The following LDB3 variants were observed in gnomAD, a reference collection of about 807,000 sequenced individuals.
LDB3 encodes the protein LIM domain-binding protein 3.
A neutral mutation model predicts 69.0 loss-of-function variants in LDB3; 49 were observed. The ratio of observed to expected loss-of-function variants is 0.71; its 90% CI spans 0.56 to 0.90. LDB3 has a LOEUF of 0.90. Ranked by LOEUF, LDB3 falls within the 40% of genes least tolerant of loss-of-function variation. LDB3 has a pLI of 0.00. For synonymous variants in LDB3, 387 were observed against 396.2 expected (o/e 0.98, Z 0.28); for missense variants, 928 against 974.1 (o/e 0.95, Z 0.63).
At chr10:86,681,857 G>T in intron 5 of LDB3, 54 bp downstream of exon 5, 1 of 1,517,702 alleles carries the variant, frequency 6.6e-7, no homozygotes, top group Non-Finnish European at 8.8e-7. Context: ...CTGGGTCCTC[G>T]GTGCTCGGCA....
intron 9 of LDB3, among the ~76,000 whole-genome samples, chr10:86,711,293 G>A (rs1039712979): frequency 6.6e-6 from 1 of 152,010 alleles, no homozygotes; most frequent in African/African-American, 2.4e-5. Flanking sequence ...GGGGCGCGCG[G>A]CCAGCCCGCC....
At chr10:86,719,135 A>C (rs1846986192) in intron 12 of LDB3, among the ~76,000 whole-genome samples, 1 of 152,152 alleles carries the variant, frequency 6.6e-6, no homozygotes, top group South Asian at 2.1e-4. Flanking sequence ...GAGGTGGCTC[A>C]CACCTTAATC....
intron 7 of LDB3, among the ~76,000 whole-genome samples, chr10:86,695,178 G>A (rs771949344): frequency 4.6e-5 from 7 of 152,218 alleles, no homozygotes; most frequent in South Asian, 2.1e-4. Context: ...GAAAGTTAGC[G>A]GGAATGTTGA....
At chr10:86,708,861 C>T (rs536856555) in intron 8 of LDB3, among the ~76,000 whole-genome samples, 1 of 152,292 alleles carries the variant, frequency 6.6e-6, no homozygotes, top group African/African-American at 2.4e-5. Flanking sequence ...CTTCTCAGAG[C>T]CCCAGAGAGG....
intron 2 of LDB3, among the ~76,000 whole-genome samples, chr10:86,674,605 AG>A (rs1181928812): frequency 2.6e-5 from 4 of 152,020 alleles, no homozygotes; most frequent in Admixed American, 2.0e-4. Flanking sequence ...CAGGGTTTAG[AG>A]GGGCCCATTG....
At position 86,699,612 on chromosome 10, in the gene LDB3, C is replaced by A; in HGVS notation, c.897-6919C>A. On this transcript the variant is annotated intron_variant, in intron 7 of 13. Transcript: ENST00000361373. This position sits in a 1 kb window ranked among gnomAD's most constrained non-coding sequence, Gnocchi z 4.9. ...CCCCAGGGCAACCCTCGCCACCCCC[C>A]AAATAGCCCGTAGCCCAATCCCCTG... 1 of 1,387,664 alleles carries A rather than the reference C, an allele frequency of 7.2e-7. No individual in the cohort carries two copies. The highest frequency in any genetic ancestry group is 9.4e-7 in the Non-Finnish European group (1 of 1,068,072). The allele number at this position is 1,387,664 out of a possible 1,614,324, so 86.0% of individuals were successfully genotyped here. A position where few individuals can be genotyped will look rare whatever the true frequency, so the allele number is the denominator to read the frequency against.
In LDB3 at chr10:86,697,295, T is replaced by C. The variant is rs570364495; in HGVS notation, c.896+4724T>C. Among the ~76,000 whole-genome samples, 1,186 of 144,588 alleles carry C rather than the reference T, an allele frequency of 8.2e-3. 14 individuals carry two copies. Among genetic ancestry groups the C allele is most frequent in the African/African-American group, 0.029 (1,137 of 38,818 alleles). 94.9% of individuals were successfully genotyped at this position (144,588 alleles called of 152,430 possible). ...GGAGTGCAGTGGCGCGATCTCGGCTTACTGCAACCTCCACCACCCAGGCTC... is the reference window on the plus strand; with the variant it reads ...GGAGTGCAGTGGCGCGATCTCGGCTCACTGCAACCTCCACCACCCAGGCTC... On this transcript the variant is annotated intron_variant, in intron 7 of 13. Coordinates refer to ENST00000361373, the MANE Select transcript of LDB3 (RefSeq NM_007078.3).
intron 11 of LDB3, 126 bp downstream of exon 11, chr10:86,718,270 A>G: frequency 3.3e-6 from 3 of 897,594 alleles, no homozygotes; most frequent in South Asian, 1.4e-5. Flanking sequence ...TTTTTATCCT[A>G]AAAGGGAATT....
intron 13 of LDB3, among the ~76,000 whole-genome samples, chr10:86,728,586 GTT>G (rs201899694): frequency 3.8e-5 from 5 of 131,414 alleles, no homozygotes; most frequent in Non-Finnish European, 1.6e-5. Flanking sequence ...TGGTTCTTTT[GTT>G]TTTTTTTTTT....
At chr10:86,700,244 C>T (rs1022206492) in intron 7 of LDB3, among the ~76,000 whole-genome samples, 4 of 152,150 alleles carry the variant, frequency 2.6e-5, no homozygotes, top group East Asian at 1.9e-4. Flanking sequence ...CAACCCACGG[C>T]GGGAGGATGG....
upstream of LDB3, among the ~76,000 whole-genome samples, chr10:86,667,036 A>T (rs1223849871): frequency 6.6e-6 from 1 of 152,062 alleles, no homozygotes; most frequent in Admixed American, 6.5e-5. Flanking sequence ...TGGTATGGGG[A>T]AGGGATGCTG....
intron 12 of LDB3, among the ~76,000 whole-genome samples, chr10:86,724,304 C>T (rs1847182015): frequency 6.6e-6 from 1 of 150,502 alleles, no homozygotes; most frequent in African/African-American, 2.5e-5. Flanking sequence ...GAGTGAGAGT[C>T]CACCTCAAAA....
chr10:86,711,054 T>C (rs1444022619), intron 9 of LDB3, among the ~76,000 whole-genome samples: 5 of 152,152 alleles, frequency 3.3e-5, no homozygotes, highest in East Asian at 1.9e-4. Context: ...CATTTTGCAG[T>C]AGTGAAAAGC....
chr10:86,706,436 C>A, intron 7 of LDB3, 95 bp from the exon 8 acceptor site: 2 of 1,350,428 alleles, frequency 1.5e-6, no homozygotes, highest in South Asian at 1.2e-5. Context: ...TCTGCCCAGC[C>A]TGCCTCTGCT....
chr10:86,713,775 T>A (rs907374355), intron 9 of LDB3, among the ~76,000 whole-genome samples: 2 of 152,206 alleles, frequency 1.3e-5, no homozygotes, highest in African/African-American at 4.8e-5. Context: ...ATTTGGGCTG[T>A]ACACATTTAC....
chr10:86,697,379 G>A (rs375153266), intron 7 of LDB3, among the ~76,000 whole-genome samples: 10 of 149,100 alleles, frequency 6.7e-5, no homozygotes, highest in African/African-American at 1.7e-4. Context: ...GTGACACCAC[G>A]CCCGGCTAAT....
intron 5 of LDB3, among the ~76,000 whole-genome samples, chr10:86,685,238 C>T (rs1180067375): frequency 6.6e-6 from 1 of 152,214 alleles, no homozygotes; most frequent in African/African-American, 2.4e-5. Context: ...ACAAAACAGA[C>T]TCTTAGTCCG....
At chr10:86,713,427 T>C (rs1361720846) in intron 9 of LDB3, among the ~76,000 whole-genome samples, 2 of 152,112 alleles carry the variant, frequency 1.3e-5, no homozygotes, top group Non-Finnish European at 2.9e-5. Context: ...GAAGTTTTAG[T>C]AGAGACGGGG....
At chr10:86,718,225 C>A in intron 11 of LDB3, 81 bp downstream of exon 11, 1 of 1,360,536 alleles carries the variant, frequency 7.4e-7, no homozygotes, top group Non-Finnish European at 1.1e-6. Flanking sequence ...CATTAGGAAG[C>A]CAAGAAGTTG....
Sources: allele counts gnomAD v4.1 joint callset (sites outside exome capture counted in the v4.1 genomes callset), GRCh38; gene constraint gnomAD v4.1.1; non-coding constraint Gnocchi (gnomAD v3.1); transcripts MANE v1.5; gene names NCBI Gene and HGNC (gene_info 2026-07-23, HGNC 2026-07-21).